The following MAP3K1 variants were observed in gnomAD, a reference collection of about 807,000 sequenced individuals.
MAP3K1 encodes the protein MAP/ERK kinase kinase 1.
MAP3K1 carries 36 observed loss-of-function variants against 144.2 expected under a neutral mutation model. The ratio of observed to expected loss-of-function variants is 0.25; its 90% CI spans 0.19 to 0.33. MAP3K1 has a LOEUF of 0.33. Ranked by LOEUF, MAP3K1 falls within the 10% of genes least tolerant of loss-of-function variation. MAP3K1 has a pLI of 1.00. For synonymous variants in MAP3K1, 718 were observed against 688.7 expected (o/e 1.04, Z -0.67); for missense variants, 1,650 against 1,881.9 (o/e 0.88, Z 2.28).
intron 6 of MAP3K1, among the ~76,000 whole-genome samples, chr5:56,866,990 GT>G (rs1747694236): frequency 1.3e-5 from 2 of 152,048 alleles, no homozygotes; most frequent in African/African-American, 4.8e-5. Context: ...GGGTATCTTT[GT>G]TTTACCCCTC....
intron 2 of MAP3K1, among the ~76,000 whole-genome samples, chr5:56,858,056 T>G (rs1410468003): frequency 6.6e-6 from 1 of 152,120 alleles, no homozygotes; most frequent in Non-Finnish European, 1.5e-5. Context: ...TGCCAGAAGG[T>G]GAATATGAAG....
intron 6 of MAP3K1, among the ~76,000 whole-genome samples, chr5:56,868,684 G>A (rs541058929): frequency 2.0e-5 from 3 of 152,026 alleles, no homozygotes; most frequent in African/African-American, 4.8e-5. Context: ...GCGCCCGGCC[G>A]TAATGGTTTC....
intron 3 of MAP3K1, among the ~76,000 whole-genome samples, chr5:56,861,130 A>G (rs968740142): frequency 6.6e-6 from 1 of 152,228 alleles, no homozygotes; most frequent in Non-Finnish European, 1.5e-5. Flanking sequence ...AAAATTATTC[A>G]TAGGTAAAAG....
Position 56,893,517 on chromosome 5 carries a change from C to T in MAP3K1, c.4390-14C>T, listed in dbSNP as rs1427358391. On this transcript the variant is annotated splice_polypyrimidine_tract_variant and intron_variant, in intron 19 of 19. Coordinates refer to ENST00000399503, the MANE Select transcript of MAP3K1 (RefSeq NM_005921.2). ...CAGTTGTGCAAAGCTTCAACACTGG[C>T]TTTTTCTCCACAGATTGCTAGTGCA... The T allele has an allele frequency of 1.2e-6, 2 of 1,613,634 alleles. No homozygotes were observed. Among genetic ancestry groups the T allele is most frequent in the Admixed American group, 3.3e-5 (2 of 59,990 alleles).
intron 1 of MAP3K1, among the ~76,000 whole-genome samples, chr5:56,829,384 C>T (rs560801173): frequency 4.5e-5 from 6 of 133,110 alleles, no homozygotes; most frequent in Admixed American, 8.3e-5. Flanking sequence ...GACAGAGTTT[C>T]GCCATGTTGC....
rs780949247 is a variant in MAP3K1 at position 56,815,845 on chromosome 5, C to G, written c.272C>G (p.Pro91Arg). The change falls in exon 1 of 20, where the codon CCG becomes CGG. Residue 91 changes from proline to arginine, a missense_variant. By Grantham distance (103) the Pro-to-Arg change is moderately radical. Coordinates refer to ENST00000399503, the MANE Select transcript of MAP3K1 (RefSeq NM_005921.2). ...AASPPASSTS[P>R]SPEPADAAGS... ...TCACCGCCGGCCTCCTCGACTTCCC[C>G]GTCGCCGGAGCCCGCGGACGCAGCG... 3 of 1,404,754 alleles carry G rather than the reference C, an allele frequency of 2.1e-6. No homozygotes were observed. Among genetic ancestry groups the G allele is most frequent in the African/African-American group, 3.0e-5 (2 of 67,332 alleles). The allele number at this position is 1,404,754 out of a possible 1,614,324, so 87.0% of individuals were successfully genotyped here. A position where few individuals can be genotyped will look rare whatever the true frequency, so the allele number is the denominator to read the frequency against.
At position 56,873,016 on chromosome 5, in the gene MAP3K1, C is replaced by G; in HGVS notation, c.1686+11C>G. The G allele has an allele frequency of 1.2e-6, 2 of 1,610,354 alleles. No homozygotes were observed. The highest frequency in any genetic ancestry group is 1.7e-6 in the Non-Finnish European group (2 of 1,177,240). On this transcript the variant is annotated intron_variant, in intron 9 of 19. Transcript: ENST00000399503. Reference sequence around the variant, plus strand: ...GAGCCATGGATTCAGGTAAGTAGTTCTTTGTTTTTCATTTCTCAAAGAAAT... The same window carrying G: ...GAGCCATGGATTCAGGTAAGTAGTTGTTTGTTTTTCATTTCTCAAAGAAAT...
chr5:56,828,257 T>G (rs1319611256), intron 1 of MAP3K1, among the ~76,000 whole-genome samples: 5 of 152,196 alleles, frequency 3.3e-5, no homozygotes, highest in Admixed American at 1.3e-4. Flanking sequence ...TTCTGTGATA[T>G]GGGATAAAGC....
intron 1 of MAP3K1, among the ~76,000 whole-genome samples, chr5:56,823,760 C>T (rs1023788506): frequency 1.3e-5 from 2 of 152,054 alleles, no homozygotes; most frequent in African/African-American, 2.4e-5. Context: ...CCTGGTGGCT[C>T]GAGTGAAATA....
chr5:56,818,822 T>C (rs1007235142), intron 1 of MAP3K1, among the ~76,000 whole-genome samples: 3 of 152,250 alleles, frequency 2.0e-5, no homozygotes, highest in Admixed American at 1.3e-4. Context: ...TACTTGTTAA[T>C]GTTAGTTTTT....
intron 1 of MAP3K1, among the ~76,000 whole-genome samples, chr5:56,829,324 A>G (rs1304696753): frequency 6.7e-6 from 1 of 150,322 alleles, no homozygotes; most frequent in African/African-American, 2.4e-5. Context: ...CTGGGACCAC[A>G]GGTGCATGCC....
At chr5:56,881,357 A>G in intron 13 of MAP3K1, 85 bp downstream of exon 13, 1 of 1,240,176 alleles carries the variant, frequency 8.1e-7, no homozygotes, top group African/African-American at 1.5e-5. Context: ...TAGATTTTTG[A>G]AAGACTCAGA....
intron 14 of MAP3K1, 105 bp from the exon 15 acceptor site, chr5:56,883,421 TA>T: frequency 1.9e-6 from 2 of 1,028,508 alleles, no homozygotes; most frequent in Non-Finnish European, 3.0e-6. Flanking sequence ...GTCACATTTA[TA>T]GGTGGTTTGG....
At chr5:56,893,380 A>G in intron 19 of MAP3K1, 151 bp from the exon 20 acceptor site, 2 of 804,722 alleles carry the variant, frequency 2.5e-6, no homozygotes, top group Non-Finnish European at 4.1e-6. Context: ...ATTTTTTCAT[A>G]GACTTTTTGA....
At chr5:56,877,356 C>G (rs1748070687) in intron 10 of MAP3K1, among the ~76,000 whole-genome samples, 1 of 152,072 alleles carries the variant, frequency 6.6e-6, no homozygotes, top group African/African-American at 2.4e-5. Flanking sequence ...CAGACTGTTT[C>G]CCAACTAGCT....
intron 1 of MAP3K1, among the ~76,000 whole-genome samples, chr5:56,821,989 C>CT (rs1007881686): frequency 3.3e-5 from 5 of 152,118 alleles, no homozygotes; most frequent in South Asian, 4.1e-4. Context: ...CAAGAACTGT[C>CT]TTTTTTTAGG....
intron 11 of MAP3K1, among the ~76,000 whole-genome samples, chr5:56,880,144 T>A (rs57164053): frequency 0.032 from 4,918 of 152,332 alleles, 252 homozygotes; most frequent in African/African-American, 0.11. Context: ...ATGTCATTTT[T>A]AAATATTAGA....
intron 1 of MAP3K1, among the ~76,000 whole-genome samples, chr5:56,850,303 T>C (rs1259726408): frequency 6.6e-6 from 1 of 152,186 alleles, no homozygotes; most frequent in African/African-American, 2.4e-5. Flanking sequence ...CCAAATAATG[T>C]ATTTTCTAGG....
rs5868032 is a variant in MAP3K1 at position 56,882,021 on chromosome 5, TCAACAACAACAA to T, written c.2836_2847del (p.Thr946_Thr949del). ...CAGCATTTCAGTAGGACCTTCTAGT[TCAACAACAACAA>T]CAACAACAACAACAGAGCAACCAAA... On this transcript the variant is annotated inframe_deletion, in exon 14 of 20. Coordinates refer to ENST00000399503, the MANE Select transcript of MAP3K1 (RefSeq NM_005921.2). The T allele has an allele frequency of 1.2e-4, 187 of 1,572,494 alleles. No individual in the cohort carries two copies. The highest frequency in any genetic ancestry group is 8.4e-4 in the Middle Eastern group (5 of 5,950).
Sources: gnomAD v4.1 joint callset for allele counts (sites outside exome capture counted in the v4.1 genomes callset) on GRCh38, gnomAD v4.1.1 for gene constraint, MANE v1.5 for transcripts, NCBI Gene and HGNC (gene_info 2026-07-23, HGNC 2026-07-21) for gene names.